EPS8: variants seen among roughly 807,000 people sequenced by gnomAD.
EPS8 encodes EGFR pathway substrate 8, signaling adaptor.
EPS8 carries 42 observed loss-of-function variants against 103.8 expected under a neutral mutation model. The observed-to-expected ratio is 0.40, with a 90% confidence interval of 0.32 to 0.52. EPS8 has a LOEUF of 0.52. EPS8 is among the 20% of genes least tolerant of loss of function. EPS8 has a pLI of 0.40. For synonymous variants in EPS8, 344 were observed against 344.6 expected (o/e 1.00, Z 0.02); for missense variants, 969 against 1,005.1 (o/e 0.96, Z 0.49).
intron 1 of EPS8, among the ~76,000 whole-genome samples, chr12:15,685,061 A>C (rs1946072420): frequency 6.6e-6 from 1 of 152,218 alleles, no homozygotes; most frequent in Non-Finnish European, 1.5e-5. Context: ...TCAGTGGTTT[A>C]ACAGCAGCTT....
chr12:15,778,440 C>T lies in EPS8; in HGVS notation c.-22+10721G>A, dbSNP rs1307314846. On this transcript the variant is annotated intron_variant, in intron 1 of 20. Coordinates refer to ENST00000281172, the MANE Select transcript of EPS8 (RefSeq NM_004447.6). This position sits in a 1 kb window ranked among gnomAD's most constrained non-coding sequence, Gnocchi z 4.5. The stretch of plus-strand genomic sequence containing the variant: ...AGGAGCTAAATAAAAGAACTACTGA[C>T]AAAATTAATGTTCTCTCGACTAAAA... 6.6e-6 allele frequency among the ~76,000 whole-genome samples: 1 copy of T among 152,082 alleles called. No homozygotes were observed. The highest frequency in any genetic ancestry group is 2.4e-5 in the African/African-American group (1 of 41,432).
chr12:15,737,873 T>G (rs1946781887), intron 1 of EPS8, among the ~76,000 whole-genome samples: 1 of 152,174 alleles, frequency 6.6e-6, no homozygotes, highest in Non-Finnish European at 1.5e-5. Context: ...GTTTATGATT[T>G]GGATCTATCT....
chr12:15,658,387 C>A (rs1454323902), intron 11 of EPS8, 110 bp downstream of exon 11: 1 of 880,906 alleles, frequency 1.1e-6, no homozygotes, highest in Non-Finnish European at 1.8e-6. Flanking sequence ...CACACCCCCA[C>A]AAAATCTATA....
chr12:15,640,845 A>G lies in EPS8; in HGVS notation c.1679T>C (p.Ile560Thr). The stretch of plus-strand genomic sequence containing the variant: ...CCACCATTGCTTCCGATCATCAAGT[A>G]TCTGTCATGTACAAGAAAATAAAGG... The part of the protein sequence containing the change: ...LSVLKDDILE[I>T]LDDRKQWWKV... Residue 560 changes from isoleucine to threonine, a missense_variant and splice_region_variant, in exon 17 of 21, where the codon ATA (isoleucine) becomes ACA (threonine). Coordinates refer to ENST00000281172, the MANE Select transcript of EPS8 (RefSeq NM_004447.6). The G allele has an allele frequency of 6.2e-7, 1 of 1,613,392 alleles. No individual in the cohort carries two copies. The highest frequency in any genetic ancestry group is 8.5e-7 in the Non-Finnish European group (1 of 1,179,710).
chr12:15,658,375 T>C (rs1945545146), intron 11 of EPS8, 122 bp downstream of exon 11: 8 of 769,854 alleles, frequency 1.0e-5, no homozygotes, highest in Non-Finnish European at 1.7e-5. Context: ...AATCAAAACA[T>C]ACACACCCCC....
chr12:15,631,785 C>T (rs2135731835), intron 17 of EPS8, 121 bp from the exon 18 acceptor site: 3 of 693,022 alleles, frequency 4.3e-6, no homozygotes, highest in Non-Finnish European at 7.3e-6. Context: ...ACCCATTACT[C>T]ATTTATCTGT....
rs1946032762 is a variant in EPS8, at chr12:15,682,872, A to C, written c.59+21T>G. On this transcript the variant is annotated intron_variant, in intron 2 of 20. Coordinates refer to ENST00000281172, the MANE Select transcript of EPS8 (RefSeq NM_004447.6). ...AATCAAATTCCCCCAAAACATATTA[A>C]ATATAAACTTTTCAACTTACTTCAT... is the stretch of plus-strand genomic sequence containing the variant. 4.7e-6 allele frequency: 6 copies of C among 1,266,624 alleles called. No homozygotes were observed. The East Asian group carries it at 1.4e-4, about 30-fold the overall frequency. The allele number at this position is 1,266,624 out of a possible 1,614,324, so 78.5% of individuals were successfully genotyped here. A position where few individuals can be genotyped will look rare whatever the true frequency, so the allele number is the denominator to read the frequency against.
rs1309064242 is a variant in EPS8 at position 15,780,329 on chromosome 12, A to G, written c.-22+8832T>C. On this transcript the variant is annotated intron_variant, in intron 1 of 20. Coordinates refer to ENST00000281172, the MANE Select transcript of EPS8 (RefSeq NM_004447.6). This position sits in a 1 kb window ranked among gnomAD's most constrained non-coding sequence, Gnocchi z 4.1. Reference sequence around the variant, plus strand: ...ATGCCAACCTATTCCGCACATGTCAAACATGCTCATCTTTCTACCTGGAGA... The same window carrying G: ...ATGCCAACCTATTCCGCACATGTCAGACATGCTCATCTTTCTACCTGGAGA... Among the ~76,000 whole-genome samples the G allele has an allele frequency of 1.3e-5, 2 of 152,062 alleles. No homozygotes were observed. The highest frequency in any genetic ancestry group is 4.8e-5 in the African/African-American group (2 of 41,338).
intron 3 of EPS8, among the ~76,000 whole-genome samples, chr12:15,677,561 G>T (rs1945930556): frequency 1.3e-5 from 2 of 152,190 alleles, no homozygotes; most frequent in South Asian, 4.1e-4. Context: ...TACCACCCAT[G>T]AAGGCAAATT....
chr12:15,684,955 A>G lies in EPS8; in HGVS notation c.-21-1983T>C, dbSNP rs1449136855. Among the ~76,000 whole-genome samples the G allele has an allele frequency of 6.6e-6, 1 of 152,182 alleles. No homozygotes were observed. The highest frequency in any genetic ancestry group is 1.5e-5 in the Non-Finnish European group (1 of 68,024). ...GATACAATCAGTGGTGTGCTGGTAAACCAATTCTCAGGGTGGGACAAGGCA... is the reference window on the plus strand; with the variant it reads ...GATACAATCAGTGGTGTGCTGGTAAGCCAATTCTCAGGGTGGGACAAGGCA... On this transcript the variant is annotated intron_variant, in intron 1 of 20. Coordinates refer to ENST00000281172, the MANE Select transcript of EPS8 (RefSeq NM_004447.6). The surrounding 1 kb of genome is among the most constrained non-coding windows in gnomAD (Gnocchi z 4.9).
chr12:15,676,693 A>G (rs1945914521), intron 3 of EPS8, among the ~76,000 whole-genome samples: 1 of 152,234 alleles, frequency 6.6e-6, no homozygotes. Flanking sequence ...TAAAATTTCC[A>G]GTATTCTGAT....
At position 15,789,011 on chromosome 12, in the gene EPS8, C is replaced by T. The variant is rs868512898; in HGVS notation, c.-22+150G>A. The T allele has an allele frequency of 1.3e-5, 2 of 152,362 alleles. No homozygotes were observed. The highest frequency in any genetic ancestry group is 1.5e-5 in the Non-Finnish European group (1 of 68,156). The allele number at this position is 152,362 out of a possible 1,614,324, so 9.4% of individuals were successfully genotyped here. A position where few individuals can be genotyped will look rare whatever the true frequency, so the allele number is the denominator to read the frequency against. ...GCAGCGCCCTACCGCACCTGGCTGC[C>T]AACACCAGTTGAAAGCAGTCAAAGT... On this transcript the variant is annotated intron_variant, in intron 1 of 20. Transcript: ENST00000281172. This position sits in a 1 kb window ranked among gnomAD's most constrained non-coding sequence, Gnocchi z 6.1.
In EPS8 at chr12:15,693,282, G is replaced by T. The variant is rs1161167109; in HGVS notation, c.-21-10310C>A. Among the ~76,000 whole-genome samples, 3 of 152,198 alleles carry T rather than the reference G, an allele frequency of 2.0e-5. No homozygotes were observed. The highest frequency in any genetic ancestry group is 4.8e-5 in the African/African-American group (2 of 41,456). On this transcript the variant is annotated intron_variant, in intron 1 of 20. Coordinates refer to ENST00000281172, the MANE Select transcript of EPS8 (RefSeq NM_004447.6). This position sits in a 1 kb window ranked among gnomAD's most constrained non-coding sequence, Gnocchi z 5.6. ...GGCAATAAGTGGAAGAAGTCAGCCAGGGTTGTCTTACTGTTTACTAAGCAT... is the reference window on the plus strand; with the variant it reads ...GGCAATAAGTGGAAGAAGTCAGCCATGGTTGTCTTACTGTTTACTAAGCAT...
At position 15,712,850 on chromosome 12, in the gene EPS8, T is replaced by G. The variant is rs555673042; in HGVS notation, c.-21-29878A>C. On this transcript the variant is annotated intron_variant, in intron 1 of 20. Coordinates refer to ENST00000281172, the MANE Select transcript of EPS8 (RefSeq NM_004447.6). Reference sequence around the variant, plus strand: ...AAATATTAACAAATTCAAACTTACCTACCCACACAGTTCAGGAAATACTCC... The same window carrying G: ...AAATATTAACAAATTCAAACTTACCGACCCACACAGTTCAGGAAATACTCC... The G allele has an allele frequency of 1.0e-4, 98 of 984,898 alleles. No individual in the cohort carries two copies. In the South Asian group the frequency reaches 4.0e-3, roughly 40 times the overall value. 61.0% of individuals were successfully genotyped at this position (984,898 alleles called of 1,614,324 possible).
chr12:15,763,013 T>G (rs1416219761), intron 1 of EPS8, among the ~76,000 whole-genome samples: 2 of 152,172 alleles, frequency 1.3e-5, no homozygotes, highest in African/African-American at 4.8e-5. Flanking sequence ...TATTATGTGT[T>G]ACATGCCTGT....
intron 10 of EPS8, among the ~76,000 whole-genome samples, chr12:15,659,413 T>C (rs1945565686): frequency 6.6e-6 from 1 of 152,072 alleles, no homozygotes; most frequent in Non-Finnish European, 1.5e-5. Flanking sequence ...ACAGGAGATG[T>C]TGAGAAAATA....
chr12:15,634,892 C>A, intron 17 of EPS8: 1 of 391,742 alleles, frequency 2.6e-6, no homozygotes, highest in Non-Finnish European at 4.5e-6. Context: ...AAATTACATG[C>A]CCACAATCAA....
At chr12:15,644,005 C>A (rs1227516296) in intron 15 of EPS8, among the ~76,000 whole-genome samples, 1 of 152,206 alleles carries the variant, frequency 6.6e-6, no homozygotes, top group Non-Finnish European at 1.5e-5. Flanking sequence ...AGTGAATATA[C>A]TTCGTATGGC....
chr12:15,681,310 A>G lies in EPS8; in HGVS notation c.60-8T>C. ...GGTGATGATCCGTAGCCACTGTAAT[A>G]ATAATAATAATAATAATAATAATAA... is the stretch of plus-strand genomic sequence containing the variant. On this transcript the variant is annotated splice_region_variant and splice_polypyrimidine_tract_variant and intron_variant, in intron 2 of 20. Transcript: ENST00000281172. 1.1e-6 allele frequency: 1 copy of G among 922,596 alleles called. No homozygotes were observed. Among genetic ancestry groups the G allele is most frequent in the Non-Finnish European group, 1.5e-6 (1 of 686,874 alleles). 57.2% of individuals were successfully genotyped at this position (922,596 alleles called of 1,614,324 possible).
Sources: allele counts gnomAD v4.1 joint callset (sites outside exome capture counted in the v4.1 genomes callset), GRCh38; gene constraint gnomAD v4.1.1; non-coding constraint Gnocchi (gnomAD v3.1); transcripts MANE v1.5; gene names NCBI Gene and HGNC (gene_info 2026-07-23, HGNC 2026-07-21).